The following OTOG variants were observed in gnomAD, a reference collection of about 807,000 sequenced individuals.
The protein encoded by OTOG is otogelin.
A neutral mutation model predicts 313.8 loss-of-function variants in OTOG; 296 were observed. The observed-to-expected ratio is 0.94, with a 90% CI of 0.86 to 1.04. OTOG has a LOEUF of 1.04. OTOG is among the 50% of genes least tolerant of loss of function. The probability of loss-of-function intolerance (pLI) is 0.00; values close to 1 mark genes in which losing one functional copy is unlikely to be tolerated. For synonymous variants in OTOG, 1,533 were observed against 1,554.9 expected, an observed-to-expected ratio of 0.99 and a Z score of 0.33; for missense variants, 3,948 against 3,840.1, an observed-to-expected ratio of 1.03 and a Z score of -0.74.
At chr11:17,590,079 T>C (rs971903695) in intron 24 of OTOG, among the ~76,000 whole-genome samples, 3 of 152,150 alleles carry the variant, frequency 2.0e-5, no homozygotes, top group Admixed American at 2.0e-4. Context: ...CTTACTCCCT[T>C]GGTGAACTCT....
intron 35 of OTOG, 58 bp downstream of exon 35, chr11:17,609,267 C>A: frequency 1.4e-6 from 2 of 1,463,682 alleles, no homozygotes; most frequent in Non-Finnish European, 1.9e-6. Flanking sequence ...CCTAGGGTCT[C>A]ACTGAGCAGT....
intron 54 of OTOG, among the ~76,000 whole-genome samples, chr11:17,644,327 A>G (rs1273237272): frequency 1.3e-5 from 2 of 152,272 alleles, no homozygotes; most frequent in African/African-American, 2.4e-5. Flanking sequence ...GAGGGAAGAC[A>G]AAGTGGACTT....
chr11:17,573,414 G>C (rs960475792), intron 19 of OTOG, 124 bp downstream of exon 19: 8 of 1,055,766 alleles, frequency 7.6e-6, no homozygotes, highest in Non-Finnish European at 1.1e-5. Context: ...TGCACCCAGA[G>C]CCTGCTTCTC....
intron 1 of OTOG, 143 bp downstream of exon 1, chr11:17,547,609 CAG>C: frequency 7.9e-7 from 1 of 1,262,730 alleles, no homozygotes; most frequent in Non-Finnish European, 1.0e-6. Context: ...GAGGAGCAGT[CAG>C]GGGAGGAGGG....
chr11:17,555,792 C>A lies in OTOG; in HGVS notation c.554C>A (p.Pro185Gln), dbSNP rs1189025785. The stretch of plus-strand genomic sequence containing the variant: ...CTCCCTACTCAGGTACACAATGACC[C>A]GCAGTGTGGCTCTTCACCCTACACC... Reference protein sequence around the residue: ...QSFSIQVHNDPQCGSSPYTCS... With the variant: ...QSFSIQVHNDQQCGSSPYTCS... The change falls in exon 7 of 56, where the codon CCG (proline) becomes CAG (glutamine). Residue 185 changes from proline to glutamine, a missense_variant. Transcript: ENST00000399397. 1.9e-6 allele frequency: 3 copies of A among 1,550,238 alleles called. No homozygotes were observed. The highest frequency in any genetic ancestry group is 1.7e-4 in the Middle Eastern group (1 of 5,798).
chr11:17,583,304 T>C (rs1275216089), intron 23 of OTOG, among the ~76,000 whole-genome samples: 1 of 152,054 alleles, frequency 6.6e-6, no homozygotes, highest in Admixed American at 6.5e-5. Context: ...CTGGCAAATT[T>C]TTTAAATTTT....
At chr11:17,609,271 G>T in intron 35 of OTOG, 62 bp downstream of exon 35, 1 of 1,440,056 alleles carries the variant, frequency 6.9e-7, no homozygotes, top group Non-Finnish European at 9.5e-7. Context: ...GGGTCTCACT[G>T]AGCAGTCATG....
At chr11:17,629,542 G>A (rs576940687) in intron 40 of OTOG, among the ~76,000 whole-genome samples, 3 of 152,286 alleles carry the variant, frequency 2.0e-5, no homozygotes, top group Non-Finnish European at 2.9e-5. Context: ...CACTTCAGCC[G>A]GGATTGTCTG....
chr11:17,602,719 C>T (rs1024125552), intron 32 of OTOG, among the ~76,000 whole-genome samples: 1 of 152,168 alleles, frequency 6.6e-6, no homozygotes, highest in African/African-American at 2.4e-5. Flanking sequence ...CTCCCTCTCT[C>T]CCTTCTTCCC....
intron 44 of OTOG, 57 bp from the exon 45 acceptor site, chr11:17,634,787 G>A: frequency 7.0e-7 from 1 of 1,419,968 alleles, no homozygotes; most frequent in South Asian, 1.3e-5. Flanking sequence ...TTCTCCACTG[G>A]AGAGCAGTGG....
rs1853533837 is a variant in OTOG, at chr11:17,611,195, C to T, written c.5895C>T (p.Ala1965=). Residue 1965 remains alanine (A), a synonymous_variant, in exon 36 of 56, where the codon GCC becomes GCT. Coordinates refer to ENST00000399397, the MANE Select transcript of OTOG (RefSeq NM_001292063.2). The part of the protein sequence containing the change: ...GTALPVPTSY[A]LSRVSARTAP... ...CTCTGCCAGTGCCCACATCCTATGC[C>T]CTGAGCCGTGTCTCAGCCAGGACGG... is the stretch of plus-strand genomic sequence containing the variant. 3 of 1,550,440 alleles carry T rather than the reference C, an allele frequency of 1.9e-6. No individual in the cohort carries two copies. The highest frequency in any genetic ancestry group is 2.6e-6 in the Non-Finnish European group (3 of 1,147,014).
In OTOG at chr11:17,570,134, C is replaced by T. The variant is rs1852371792; in HGVS notation, c.1778-79C>T. 19 of 1,319,252 alleles carry T rather than the reference C, an allele frequency of 1.4e-5. 1 individual carries two copies. In the Middle Eastern group the frequency reaches 7.3e-4, roughly 51 times the overall value. 81.7% of individuals were successfully genotyped at this position (1,319,252 alleles called of 1,614,324 possible). ...ACTGGGCCGGGCGTGGGAGTCTGAG[C>T]GGGCCAGGCAGGTGGTGGTGGTGGG... On this transcript the variant is annotated intron_variant, in intron 16 of 55. Coordinates refer to ENST00000399397, the MANE Select transcript of OTOG (RefSeq NM_001292063.2).
intron 32 of OTOG, among the ~76,000 whole-genome samples, chr11:17,604,788 G>A (rs1853341489): frequency 6.6e-6 from 1 of 152,198 alleles, no homozygotes; most frequent in Non-Finnish European, 1.5e-5. Flanking sequence ...ACTTCACAGG[G>A]TTCTCGTAGG....
intron 7 of OTOG, among the ~76,000 whole-genome samples, chr11:17,556,149 G>A (rs1178643958): frequency 1.3e-5 from 2 of 152,124 alleles, no homozygotes; most frequent in Non-Finnish European, 2.9e-5. Flanking sequence ...GGAAAATAGA[G>A]TTTTCCAGTG....
intron 38 of OTOG, 97 bp downstream of exon 38, chr11:17,612,862 C>T: frequency 7.2e-7 from 1 of 1,392,086 alleles, no homozygotes; most frequent in Middle Eastern, 2.0e-4. Context: ...GAGGCAAAGA[C>T]AGATGTGGAA....
intron 15 of OTOG, among the ~76,000 whole-genome samples, chr11:17,564,937 A>G (rs1012620950): frequency 5.9e-5 from 9 of 152,160 alleles, no homozygotes; most frequent in African/African-American, 2.2e-4. Flanking sequence ...TGCAGCCCTC[A>G]AAGTGTTTTT....
chr11:17,578,668 C>A (rs1852595733), intron 23 of OTOG, 142 bp downstream of exon 23: 2 of 1,105,920 alleles, frequency 1.8e-6, no homozygotes, highest in Non-Finnish European at 2.5e-6. Context: ...GCTGTAATGG[C>A]CAGAGAGGAG....
In OTOG at chr11:17,610,116, C is replaced by A. The variant is rs138408806; in HGVS notation, c.4816C>A (p.Arg1606=). The part of the protein sequence containing the change: ...AGSPNITVSS[R]SPPAPRFPLM... ...AAGCCCTAACATCACAGTCTCCTCCCGGTCGCCCCCTGCCCCTCGCTTCCC... is the reference window on the plus strand; with the variant it reads ...AAGCCCTAACATCACAGTCTCCTCCAGGTCGCCCCCTGCCCCTCGCTTCCC... Residue 1606 remains arginine, a synonymous_variant, in exon 36 of 56, where the codon CGG becomes AGG. Coordinates refer to ENST00000399397, the MANE Select transcript of OTOG (RefSeq NM_001292063.2). 4 of 1,550,596 alleles carry A rather than the reference C, an allele frequency of 2.6e-6. No individual in the cohort carries two copies. In the African/African-American group the frequency reaches 5.5e-5, roughly 21 times the overall value.
intron 19 of OTOG, among the ~76,000 whole-genome samples, chr11:17,574,064 T>C (rs1288320298): frequency 6.6e-6 from 1 of 152,192 alleles, no homozygotes; most frequent in African/African-American, 2.4e-5. Flanking sequence ...GGCCCAGGCA[T>C]CAGCATTTTC....
Sources: allele counts gnomAD v4.1 joint callset (sites outside exome capture counted in the v4.1 genomes callset), GRCh38; gene constraint gnomAD v4.1.1; transcripts MANE v1.5; gene names NCBI Gene and HGNC (gene_info 2026-07-23, HGNC 2026-07-21).